The following OPCML variants were observed in gnomAD, a reference collection of about 807,000 sequenced individuals.
OPCML encodes opioid binding protein/cell adhesion molecule like, also known as opioid-binding protein/cell adhesion molecule.
In OPCML, 13 loss-of-function variants were observed where a neutral mutation model predicts 37.8. That is an observed-to-expected ratio of 0.34 (90% CI 0.22 to 0.55). The LOEUF is 0.55. Ranked by LOEUF, OPCML falls within the 20% of genes least tolerant of loss-of-function variation. The pLI, the probability that OPCML is intolerant of heterozygous loss-of-function variation, is 0.91. For synonymous variants in OPCML, 176 were observed against 168.8 expected (o/e 1.04, Z -0.33); for missense variants, 341 against 435.6 (o/e 0.78, Z 1.93).
intron 1 of OPCML, among the ~76,000 whole-genome samples, chr11:133,039,752 C>A (rs1398946822): frequency 6.6e-6 from 1 of 152,056 alleles, no homozygotes; most frequent in African/African-American, 2.4e-5. Context: ...AAGCAAGGCT[C>A]CTCATTCATG....
At chr11:132,820,861 C>A (rs113268421) in intron 2 of OPCML, among the ~76,000 whole-genome samples, 2 of 152,136 alleles carry the variant, frequency 1.3e-5, no homozygotes, top group Admixed American at 6.5e-5. Context: ...ACCTCCTCCC[C>A]GAAAACTTGT....
chr11:132,569,329 G>A (rs1053503883), intron 3 of OPCML, among the ~76,000 whole-genome samples: 2 of 152,208 alleles, frequency 1.3e-5, no homozygotes, highest in African/African-American at 4.8e-5. Context: ...ACAAGCCAAC[G>A]TGAAAGGCTT....
chr11:133,352,040 T>A (rs1592225220), intron 1 of OPCML, among the ~76,000 whole-genome samples: 1 of 152,220 alleles, frequency 6.6e-6, no homozygotes, highest in Non-Finnish European at 1.5e-5. Flanking sequence ...GTTATTGCAA[T>A]AGCCTTCTAA....
intron 1 of OPCML, among the ~76,000 whole-genome samples, chr11:133,002,798 G>A (rs1051479230): frequency 6.6e-6 from 1 of 151,860 alleles, no homozygotes; most frequent in Non-Finnish European, 1.5e-5. Flanking sequence ...GGGAAGAGAA[G>A]AGAGATTGAT....
intron 1 of OPCML, among the ~76,000 whole-genome samples, chr11:133,145,068 C>A (rs1424808958): frequency 6.6e-6 from 1 of 152,142 alleles, no homozygotes; most frequent in African/African-American, 2.4e-5. Context: ...AAAACGGCAG[C>A]GAGTGAGACC....
At chr11:132,444,443 T>G (rs2096047494) in intron 4 of OPCML, among the ~76,000 whole-genome samples, 1 of 152,118 alleles carries the variant, frequency 6.6e-6, no homozygotes, top group South Asian at 2.1e-4. Context: ...ACGGTAGAGT[T>G]TTAGCATTTG....
intron 3 of OPCML, among the ~76,000 whole-genome samples, chr11:132,578,248 T>C (rs1466089898): frequency 6.6e-6 from 1 of 152,194 alleles, no homozygotes; most frequent in Non-Finnish European, 1.5e-5. Flanking sequence ...TAGAGAATCC[T>C]ATTTTCCAAA....
intron 3 of OPCML, among the ~76,000 whole-genome samples, chr11:132,532,867 T>C (rs1381747529): frequency 6.6e-6 from 1 of 152,160 alleles, no homozygotes; most frequent in Non-Finnish European, 1.5e-5. Context: ...TAAATTTAAA[T>C]CTGAATTGAA....
At chr11:132,546,306 T>C (rs187489398) in intron 3 of OPCML, among the ~76,000 whole-genome samples, 231 of 152,284 alleles carry the variant, frequency 1.5e-3, no homozygotes, top group Admixed American at 3.1e-3. Flanking sequence ...TCCATAGGTT[T>C]TGGGGGGGAA....
chr11:133,504,137 G>A (rs1947977869), intron 1 of OPCML, among the ~76,000 whole-genome samples: 1 of 152,184 alleles, frequency 6.6e-6, no homozygotes, highest in Admixed American at 6.5e-5. Flanking sequence ...CCTCAGGGAA[G>A]TCACTATCTG....
At chr11:133,102,465 T>C (rs1262838202) in intron 1 of OPCML, among the ~76,000 whole-genome samples, 1 of 152,122 alleles carries the variant, frequency 6.6e-6, no homozygotes, top group African/African-American at 2.4e-5. Context: ...CTAGGCCAAA[T>C]TGGCCAGGGG....
At chr11:132,798,308 T>C (rs1938452396) in intron 2 of OPCML, among the ~76,000 whole-genome samples, 1 of 152,144 alleles carries the variant, frequency 6.6e-6, no homozygotes, top group Non-Finnish European at 1.5e-5. Context: ...TGACCTGAAG[T>C]GATCCACCCG....
chr11:132,603,925 C>T (rs907706743), intron 3 of OPCML, among the ~76,000 whole-genome samples: 2 of 152,142 alleles, frequency 1.3e-5, no homozygotes, highest in Non-Finnish European at 2.9e-5. Context: ...AGTCCCCCAG[C>T]ACCCGTAATA....
At chr11:133,472,376 G>A (rs1947137263) in intron 1 of OPCML, among the ~76,000 whole-genome samples, 1 of 152,172 alleles carries the variant, frequency 6.6e-6, no homozygotes, top group Non-Finnish European at 1.5e-5. Context: ...CATGGTCCCA[G>A]TCAGGCACAA....
chr11:133,007,390 G>A, intron 1 of OPCML: 3 of 985,420 alleles, frequency 3.0e-6, no homozygotes, highest in Non-Finnish European at 3.6e-6. Flanking sequence ...GATACTTGGT[G>A]CTTATCGCCC....
At chr11:133,458,159 T>TATATAC (rs1157116421) in intron 1 of OPCML, among the ~76,000 whole-genome samples, 2 of 149,098 alleles carry the variant, frequency 1.3e-5, no homozygotes, top group Non-Finnish European at 3.0e-5. Context: ...AAAAAATATA[T>TATATAC]ATATACATAT....
chr11:132,475,864 G>T (rs1414961281), intron 4 of OPCML, among the ~76,000 whole-genome samples: 2 of 152,076 alleles, frequency 1.3e-5, no homozygotes, highest in Non-Finnish European at 2.9e-5. Context: ...ATATGAACAG[G>T]TATATATACA....
rs577106013 is a variant in OPCML at position 132,771,296 on chromosome 11, G to A, written c.147-113977C>T. On this transcript the variant is annotated intron_variant, in intron 2 of 7. Coordinates refer to ENST00000524381, the MANE Select transcript of OPCML (RefSeq NM_001012393.5). Reference sequence around the variant, plus strand: ...CCATCTGCTTAGTGCCAAATTTCCTGTTTCTTGCACGATGGGGATTCAATA... The same window carrying A: ...CCATCTGCTTAGTGCCAAATTTCCTATTTCTTGCACGATGGGGATTCAATA... 5.6e-4 allele frequency among the ~76,000 whole-genome samples: 86 copies of A among 152,244 alleles called. 2 individuals carry two copies. The Middle Eastern group carries it at 0.01, about 18-fold the overall frequency.
chr11:133,086,291 C>T (rs1196692636), intron 1 of OPCML, among the ~76,000 whole-genome samples: 1 of 152,002 alleles, frequency 6.6e-6, no homozygotes, highest in Non-Finnish European at 1.5e-5. Flanking sequence ...TATTTTCCCC[C>T]ATTTTAAAAG....
Sources: gnomAD v4.1 joint callset for allele counts (sites outside exome capture counted in the v4.1 genomes callset) on GRCh38, gnomAD v4.1.1 for gene constraint, MANE v1.5 for transcripts, NCBI Gene and HGNC (gene_info 2026-07-23, HGNC 2026-07-21) for gene names.